Variants in PLIN4 observed in about 807,000 individuals in gnomAD.
PLIN4 encodes perilipin-4.
Under a neutral mutation model 52.4 loss-of-function variants are expected in PLIN4, and 57 were observed. That is an observed-to-expected ratio of 1.09 (90% CI 0.88 to 1.36). PLIN4 has a LOEUF of 1.36. Among genes scored for constraint, PLIN4 ranks in the 40% most tolerant of loss-of-function variants. PLIN4 has a pLI of 0.00. For synonymous variants in PLIN4, 826 were observed against 785.4 expected (o/e 1.05, Z -0.86); for missense variants, 1,757 against 1,770.3 (o/e 0.99, Z 0.13).
At chr19:4,516,979 C>A (rs1352827947) in intron 3 of PLIN4, among the ~76,000 whole-genome samples, 1 of 152,206 alleles carries the variant, frequency 6.6e-6, no homozygotes, top group East Asian at 1.9e-4. Flanking sequence ...CATGGGGGAA[C>A]AGCCCCTTGC....
chr19:4,507,029 A>G (rs2145251646), intron 6 of PLIN4, among the ~76,000 whole-genome samples: 1 of 152,044 alleles, frequency 6.6e-6, no homozygotes, highest in South Asian at 2.1e-4. Context: ...CAGTGTCCCT[A>G]CTCTCCACCA....
intron 2 of PLIN4, 134 bp downstream of exon 2, chr19:4,518,087 TC>T: frequency 1.3e-6 from 1 of 775,590 alleles, no homozygotes; most frequent in Non-Finnish European, 1.8e-6. Context: ...GCATCATGGC[TC>T]CCAGACCGCC....
Position 4,504,569 on chromosome 19 carries a change from C to A in PLIN4, c.4006G>T (p.Gly1336Cys), listed in dbSNP as rs1159663200. Residue 1336 changes from glycine to cysteine, a missense_variant, in exon 8 of 8, where the codon GGT (glycine) becomes TGT (cysteine). Physicochemically the swap from Gly to Cys is radical, Grantham distance 159. Transcript: ENST00000301286. ...PAERLVQSRE[G>C]VHQAWQGLEQ... is the part of the protein sequence containing the mutation. ...AACCCCTGCCAAGCCTGGTGCACACCCTCGCGGCTCTGCACCAGCCGCTCT... is the reference window on the plus strand; with the variant it reads ...AACCCCTGCCAAGCCTGGTGCACACACTCGCGGCTCTGCACCAGCCGCTCT... The A allele has an allele frequency of 2.5e-6, 4 of 1,602,634 alleles. No individual in the cohort carries two copies.
At chr19:4,507,975 C>T (rs1278121901) in intron 6 of PLIN4, among the ~76,000 whole-genome samples, 1 of 152,178 alleles carries the variant, frequency 6.6e-6, no homozygotes, top group Admixed American at 6.5e-5. Flanking sequence ...CTGGATGCAT[C>T]CGAGTCATGT....
At position 4,504,789 on chromosome 19, in the gene PLIN4, T is replaced by C. The variant is rs1414733492; in HGVS notation, c.3790-4A>G. 5.0e-6 allele frequency: 8 copies of C among 1,600,598 alleles called. No homozygotes were observed. The highest frequency in any genetic ancestry group is 6.0e-6 in the Non-Finnish European group (7 of 1,172,284). On this transcript the variant is annotated splice_polypyrimidine_tract_variant and splice_region_variant and intron_variant, in intron 7 of 7. Transcript: ENST00000301286. ...ACAGAACCCCGGCATCCCGCTCCTG[T>C]GGGAGGAAGGCGCAAGGTGAGTGGA... is the stretch of plus-strand genomic sequence containing the variant.
intron 6 of PLIN4, 24 bp from the exon 7 acceptor site, chr19:4,504,971 AATG>A (rs1976048915): frequency 6.3e-7 from 1 of 1,579,232 alleles, no homozygotes; most frequent in Admixed American, 1.8e-5. Context: ...ACAGTGGGGA[AATG>A]ATGGCTTCTT....
chr19:4,509,849 A>G (rs1976231610), intron 5 of PLIN4, among the ~76,000 whole-genome samples: 1 of 151,988 alleles, frequency 6.6e-6, no homozygotes, highest in Non-Finnish European at 1.5e-5. Context: ...TGAGCCCGAG[A>G]GATTGAGGCT....
At chr19:4,507,963 C>A (rs1025768905) in intron 6 of PLIN4, among the ~76,000 whole-genome samples, 2 of 152,120 alleles carry the variant, frequency 1.3e-5, no homozygotes, top group Admixed American at 1.3e-4. Context: ...GGTGCATGAC[C>A]CCTGGATGCA....
chr19:4,512,062 G>A lies in PLIN4; in HGVS notation c.1898C>T (p.Thr633Ile). The A allele has an allele frequency of 2.5e-6, 4 of 1,611,944 alleles. No individual in the cohort carries two copies. Among genetic ancestry groups the A allele is most frequent in the Non-Finnish European group, 3.4e-6 (4 of 1,179,608 alleles). Residue 633 changes from threonine (T) to isoleucine (I), a missense_variant, in exon 5 of 8, where the codon ACC becomes ATC. This residue lies in a region of PLIN4 where 439 missense variants were observed against 406.4 expected (regional missense o/e 1.08). Transcript: ENST00000301286. ...TKTVLTGTKD[T>I]IYSGVTSAVN... ...GGCACTGGTGACCCCACTGTAGATG[G>A]TGTCCTTGGTACCGGTTAGGACAGT...
In PLIN4 at chr19:4,513,329, C is replaced by T; in HGVS notation, c.631G>A (p.Gly211Arg). Reference protein sequence around the residue: ...TKDTVTTGVMGAVNLAKGTVQ... With the variant: ...TKDTVTTGVMRAVNLAKGTVQ... ...GTCCCTTTGGCCAAGTTCACTGCCC[C>T]CATGACCCCAGTAGTCACTGTGTCT... The change falls in exon 5 of 8, where the codon GGG becomes AGG. Residue 211 changes from glycine (G) to arginine (R), a missense_variant. Gly to Arg is a moderately radical substitution (Grantham distance 125, BLOSUM62 -2). This residue lies in a region of PLIN4 where 332 missense variants were observed against 310.8 expected (regional missense o/e 1.07). Transcript: ENST00000301286. 6.2e-7 allele frequency: 1 copy of T among 1,613,570 alleles called. No homozygotes were observed.
At position 4,518,403 on chromosome 19, in the gene PLIN4, C is replaced by T. The variant is rs957543909; in HGVS notation, c.-36G>A. 20 of 1,229,910 alleles carry T rather than the reference C, an allele frequency of 1.6e-5. No homozygotes were observed. The African/African-American group carries it at 2.5e-4, about 15-fold the overall frequency. 76.2% of individuals were successfully genotyped at this position (1,229,910 alleles called of 1,614,324 possible). A position where few individuals can be genotyped will look rare whatever the true frequency, so the allele number is the denominator to read the frequency against. On this transcript the variant is annotated 5_prime_UTR_variant, in exon 1 of 8. Transcript: ENST00000301286. Reference sequence around the variant, plus strand: ...CACCCACCTGCAGGCCTGGCCTCACCCTGGTGTCACCGAAGCAGACGCGGC... The same window carrying T: ...CACCCACCTGCAGGCCTGGCCTCACTCTGGTGTCACCGAAGCAGACGCGGC...
intron 4 of PLIN4, among the ~76,000 whole-genome samples, chr19:4,516,274 C>T (rs1380288231): frequency 6.6e-6 from 1 of 152,164 alleles, no homozygotes; most frequent in Non-Finnish European, 1.5e-5. Context: ...AGCAAAACTG[C>T]ATCTCAAAAA....
rs939100249 is a variant in PLIN4 at position 4,518,453 on chromosome 19, T to C, written c.-86A>G. The C allele has an allele frequency of 3.3e-6, 4 of 1,223,722 alleles. No individual in the cohort carries two copies. The highest frequency in any genetic ancestry group is 1.6e-5 in the African/African-American group (1 of 64,162). The allele number at this position is 1,223,722 out of a possible 1,614,324, so 75.8% of individuals were successfully genotyped here. ...CCCCGCTCACCTGGACTGCGCGGGG[T>C]CCCCTGGAGGACGGACCGGCCCGGC... On this transcript the variant is annotated 5_prime_UTR_variant, in exon 1 of 8. Coordinates refer to ENST00000301286, the MANE Select transcript of PLIN4 (RefSeq NM_001367868.2).
intron 3 of PLIN4, 44 bp from the exon 4 acceptor site, chr19:4,516,722 A>G: frequency 1.3e-6 from 2 of 1,519,872 alleles, no homozygotes; most frequent in South Asian, 1.3e-5. Context: ...GGATGCAGTT[A>G]GAACCATCTA....
chr19:4,506,497 T>A (rs542234913), intron 6 of PLIN4, among the ~76,000 whole-genome samples: 8 of 152,320 alleles, frequency 5.3e-5, no homozygotes, highest in Admixed American at 2.6e-4. Flanking sequence ...TATATATTCA[T>A]CTGTGAATTG....
chr19:4,518,087 T>A, intron 2 of PLIN4, 135 bp downstream of exon 2: 2 of 775,590 alleles, frequency 2.6e-6, no homozygotes, highest in African/African-American at 3.6e-5. Flanking sequence ...GCATCATGGC[T>A]CCCAGACCGC....
Position 4,510,064 on chromosome 19 carries a change from T to TA in PLIN4, c.3514+381_3514+382insT, listed in dbSNP as rs560705343. Among the ~76,000 whole-genome samples the TA allele has an allele frequency of 2.7e-3, 394 of 147,802 alleles. 12 individuals are homozygous for TA. In the South Asian group the frequency reaches 0.055, roughly 21 times the overall value. On this transcript the variant is annotated intron_variant, in intron 5 of 7. Transcript: ENST00000301286. ...TGAAACAAACCAAATAAATACATTT[T>TA]TAAAAAAAAAGTCAAGGGCCCAGCT... is the stretch of plus-strand genomic sequence containing the variant.
chr19:4,506,344 C>T (rs1976093162), intron 6 of PLIN4, among the ~76,000 whole-genome samples: 2 of 152,362 alleles, frequency 1.3e-5, no homozygotes, highest in South Asian at 2.1e-4. Context: ...TCAGATCACA[C>T]TCCTGCCCAT....
intron 6 of PLIN4, among the ~76,000 whole-genome samples, chr19:4,507,661 C>A (rs572210840): frequency 6.6e-6 from 1 of 152,256 alleles, no homozygotes; most frequent in East Asian, 1.9e-4. Context: ...TGTAGTCCAG[C>A]CTGGGTGGCA....
Sources: allele counts gnomAD v4.1 joint callset (sites outside exome capture counted in the v4.1 genomes callset), GRCh38; gene constraint gnomAD v4.1.1; regional missense constraint gnomAD v4.1.1; transcripts MANE v1.5; gene names NCBI Gene and HGNC (gene_info 2026-07-23, HGNC 2026-07-21).